Variants in NCKAP5 observed in about 807,000 individuals in gnomAD.
NCKAP5 encodes nck-associated protein 5.
NCKAP5 carries 92 observed loss-of-function variants against 167.0 expected under a neutral mutation model. That is an observed-to-expected ratio of 0.55 (90% CI 0.47 to 0.66). The LOEUF (loss-of-function observed/expected upper bound fraction) is 0.66, where lower values mean the gene tolerates loss of function less well. Among genes scored for constraint, NCKAP5 ranks in the 30% least tolerant of loss-of-function variants. NCKAP5 has a pLI of 0.00. For missense variants in NCKAP5, 2,378 were observed against 2,315.0 expected (o/e 1.03, Z -0.56); for synonymous variants, 891 against 877.4 (o/e 1.02, Z -0.27).
chr2:133,115,806 T>TATATAC (rs1345800279), intron 6 of NCKAP5, among the ~76,000 whole-genome samples: 1 of 108,384 alleles, frequency 9.2e-6, no homozygotes, highest in African/African-American at 4.5e-5. Flanking sequence ...TATATATATA[T>TATATAC]ATATATATAT....
intron 5 of NCKAP5, among the ~76,000 whole-genome samples, chr2:133,164,625 A>G (rs908478442): frequency 6.6e-6 from 1 of 152,022 alleles, no homozygotes; most frequent in African/African-American, 2.4e-5. Flanking sequence ...CACCATTTCT[A>G]CTCCAAATCA....
intron 6 of NCKAP5, among the ~76,000 whole-genome samples, chr2:133,056,823 G>A (rs1344422200): frequency 6.6e-6 from 1 of 152,180 alleles, no homozygotes; most frequent in Non-Finnish European, 1.5e-5. Context: ...ACTTAGATCT[G>A]TAGCTCCAAA....
At chr2:133,641,971 G>A in the NCKAP5 span, among the ~76,000 whole-genome samples, 4 of 152,140 alleles carry the variant, frequency 2.6e-5, no homozygotes, top group African/African-American at 7.2e-5. Flanking sequence ...GTAGTTTATT[G>A]AGAAAAGAGG....
At chr2:132,724,935 A>G (rs998899511) in intron 19 of NCKAP5, among the ~76,000 whole-genome samples, 1 of 152,192 alleles carries the variant, frequency 6.6e-6, no homozygotes, top group Non-Finnish European at 1.5e-5. Flanking sequence ...TACATAGTTT[A>G]TAAATTAGTA....
intron 5 of NCKAP5, among the ~76,000 whole-genome samples, chr2:133,154,138 G>C: frequency 1.3e-5 from 2 of 152,082 alleles, no homozygotes; most frequent in Non-Finnish European, 2.9e-5. Flanking sequence ...CACCACTCCC[G>C]GCCAGTTCCT....
At chr2:132,799,470 T>C (rs558187595) in intron 11 of NCKAP5, among the ~76,000 whole-genome samples, 39 of 152,194 alleles carry the variant, frequency 2.6e-4, no homozygotes, top group African/African-American at 9.4e-4. Context: ...CATCAGTAAG[T>C]GTAAATTTTC....
chr2:133,590,272 C>T, the NCKAP5 span, among the ~76,000 whole-genome samples: 9 of 151,772 alleles, frequency 5.9e-5, no homozygotes, highest in East Asian at 1.2e-3. Context: ...GGGCAGATCA[C>T]GAGGTTAGGA....
intron 19 of NCKAP5, among the ~76,000 whole-genome samples, chr2:132,692,710 C>G (rs1265549086): frequency 6.6e-6 from 1 of 152,206 alleles, no homozygotes; most frequent in East Asian, 1.9e-4. Flanking sequence ...ATAAACATTT[C>G]TCTAATTACA....
intron 4 of NCKAP5, among the ~76,000 whole-genome samples, chr2:133,225,556 C>T (rs560166250): frequency 6.6e-6 from 1 of 152,118 alleles, no homozygotes; most frequent in Non-Finnish European, 1.5e-5. Context: ...AACATTCCTT[C>T]ATTTGTGGAA....
intron 3 of NCKAP5, among the ~76,000 whole-genome samples, chr2:133,332,596 C>A (rs962343540): frequency 6.6e-6 from 1 of 151,930 alleles, no homozygotes; most frequent in African/African-American, 2.4e-5. Context: ...GTGCTTAAGA[C>A]TTGAAAGTTT....
chr2:133,430,265 G>T (rs188805674), intron 3 of NCKAP5, among the ~76,000 whole-genome samples: 7 of 152,050 alleles, frequency 4.6e-5, no homozygotes, highest in Admixed American at 1.3e-4. Flanking sequence ...TGTAGATTCT[G>T]AATATTAGTC....
At chr2:133,183,277 A>G (rs992285845) in intron 5 of NCKAP5, among the ~76,000 whole-genome samples, 1 of 152,184 alleles carries the variant, frequency 6.6e-6, no homozygotes, top group African/African-American at 2.4e-5. Flanking sequence ...AATTAGTATT[A>G]CCCTGATACT....
chr2:133,488,531 T>C (rs1229281107), intron 3 of NCKAP5, among the ~76,000 whole-genome samples: 3 of 152,150 alleles, frequency 2.0e-5, no homozygotes, highest in Non-Finnish European at 4.4e-5. Flanking sequence ...TCTAGGCATA[T>C]GGAGTGTTTC....
At chr2:133,359,591 C>T (rs534180143) in intron 3 of NCKAP5, among the ~76,000 whole-genome samples, 1 of 152,170 alleles carries the variant, frequency 6.6e-6, no homozygotes, top group South Asian at 2.1e-4. Context: ...ATAACATAAG[C>T]AGAAAAAAGT....
intron 6 of NCKAP5, among the ~76,000 whole-genome samples, chr2:133,001,090 A>G (rs1193782393): frequency 6.6e-6 from 1 of 152,154 alleles, no homozygotes; most frequent in Non-Finnish European, 1.5e-5. Flanking sequence ...AATTCAGCCA[A>G]TGTTACATTT....
chr2:133,603,230 T>C, the NCKAP5 span, among the ~76,000 whole-genome samples: 1 of 60,220 alleles, frequency 1.7e-5, no homozygotes, highest in Non-Finnish European at 4.8e-5. Context: ...TTTTCTTTCT[T>C]TTTTTTTTTT....
the NCKAP5 span, among the ~76,000 whole-genome samples, chr2:133,580,881 G>C: frequency 6.6e-6 from 1 of 152,050 alleles, no homozygotes; most frequent in Non-Finnish European, 1.5e-5. Flanking sequence ...TCTCTCTTTG[G>C]AGGAGAGTTT....
chr2:132,722,141 C>A (rs1002713770), intron 19 of NCKAP5, among the ~76,000 whole-genome samples: 3 of 152,170 alleles, frequency 2.0e-5, no homozygotes, highest in East Asian at 1.9e-4. Context: ...GATTGCCTTG[C>A]GCAACTCATG....
chr2:133,125,976 C>T (rs1411034522), intron 6 of NCKAP5, among the ~76,000 whole-genome samples: 1 of 152,144 alleles, frequency 6.6e-6, no homozygotes, highest in African/African-American at 2.4e-5. Flanking sequence ...CTCATTCAAG[C>T]ATTTGTATAG....
Sources: gnomAD v4.1 joint callset for allele counts (sites outside exome capture counted in the v4.1 genomes callset) on GRCh38, gnomAD v4.1.1 for gene constraint, MANE v1.5 for transcripts, NCBI Gene and HGNC (gene_info 2026-07-23, HGNC 2026-07-21) for gene names.